Variants in CDH12 observed in about 807,000 individuals in gnomAD.
The protein encoded by CDH12 is cadherin 12, also known as cadherin-12.
A neutral mutation model predicts 74.1 loss-of-function variants in CDH12; 41 were observed. That is an observed-to-expected ratio of 0.55 (90% CI 0.43 to 0.72). The LOEUF is 0.72. CDH12 is among the 30% of genes least tolerant of loss of function. The probability of loss-of-function intolerance (pLI) is 0.00; values close to 1 mark genes in which losing one functional copy is unlikely to be tolerated. For missense variants in CDH12, 945 were observed against 977.2 expected (o/e 0.97, Z 0.44); for synonymous variants, 399 against 355.0 (o/e 1.12, Z -1.39).
chr5:22,745,161 C>T (rs1172840853), intron 1 of CDH12, among the ~76,000 whole-genome samples: 4 of 151,902 alleles, frequency 2.6e-5, no homozygotes, highest in Non-Finnish European at 4.4e-5. Context: ...AGGAAAATCA[C>T]GTCATTCTTC....
intron 1 of CDH12, among the ~76,000 whole-genome samples, chr5:22,761,962 C>T (rs1561012874): frequency 6.6e-6 from 1 of 151,958 alleles, no homozygotes; most frequent in African/African-American, 2.4e-5. Context: ...CACAATCACA[C>T]ACATAACCTA....
chr5:22,738,337 T>C (rs1343963537), intron 1 of CDH12, among the ~76,000 whole-genome samples: 1 of 152,100 alleles, frequency 6.6e-6, no homozygotes, highest in African/African-American at 2.4e-5. Flanking sequence ...CAGAGACACA[T>C]GCTTTAGGAA....
At chr5:22,652,928 C>T (rs573443561) in intron 1 of CDH12, among the ~76,000 whole-genome samples, 22 of 152,116 alleles carry the variant, frequency 1.4e-4, no homozygotes, top group Non-Finnish European at 2.5e-4. Context: ...CATTGATTGG[C>T]TAAATAACTG....
chr5:22,000,992 A>C (rs1315928802), intron 5 of CDH12, among the ~76,000 whole-genome samples: 1 of 152,126 alleles, frequency 6.6e-6, no homozygotes, highest in Non-Finnish European at 1.5e-5. Context: ...ATATTTTATA[A>C]ATTAGAAAAT....
chr5:22,347,529 C>G (rs1740170004), intron 3 of CDH12, among the ~76,000 whole-genome samples: 1 of 152,182 alleles, frequency 6.6e-6, no homozygotes, highest in African/African-American at 2.4e-5. Flanking sequence ...GCCTGGCTTC[C>G]TTGCTCCTCA....
At chr5:22,233,307 T>A (rs7719595) in intron 3 of CDH12, among the ~76,000 whole-genome samples, 69,497 of 145,808 alleles carry the variant, frequency 0.48, 16,480 homozygotes, top group Admixed American at 0.55. Flanking sequence ...GCAAAAAAAA[T>A]ATATATATAT....
At chr5:21,836,658 C>T (rs921006396) in intron 8 of CDH12, among the ~76,000 whole-genome samples, 12 of 151,774 alleles carry the variant, frequency 7.9e-5, no homozygotes, top group East Asian at 3.8e-4. Context: ...TGTTAATTAA[C>T]GGCATCACTT....
intron 2 of CDH12, among the ~76,000 whole-genome samples, chr5:22,434,017 G>A (rs770788854): frequency 3.9e-5 from 6 of 152,072 alleles, no homozygotes; most frequent in Non-Finnish European, 8.8e-5. Flanking sequence ...CTCATTTCTC[G>A]TGTATATTAG....
rs572169431 is a variant in CDH12, at chr5:22,215,231, A to G, written c.-332-2588T>C. Among the ~76,000 whole-genome samples the G allele has an allele frequency of 3.9e-5, 6 of 152,322 alleles. No homozygotes were observed. The South Asian group carries it at 1.2e-3, about 32-fold the overall frequency. ...CAGAAGAAACCCACCACTAAAAGTC[A>G]GGTTACTGTAACTATAAAATTAGCA... On this transcript the variant is annotated intron_variant, in intron 3 of 14. Transcript: ENST00000382254.
intron 1 of CDH12, among the ~76,000 whole-genome samples, chr5:22,707,252 T>G (rs889540097): frequency 6.6e-6 from 1 of 152,254 alleles, no homozygotes; most frequent in African/African-American, 2.4e-5. Flanking sequence ...GTTAATATCC[T>G]TTAACTGTGC....
intron 5 of CDH12, among the ~76,000 whole-genome samples, chr5:22,006,062 C>T (rs13167322): frequency 0.017 from 2,566 of 152,274 alleles, 33 homozygotes; most frequent in Non-Finnish European, 0.025. Flanking sequence ...TGAGGCATCC[C>T]ACTGACCTGA....
intron 1 of CDH12, among the ~76,000 whole-genome samples, chr5:22,668,764 G>A (rs372922336): frequency 6.6e-6 from 1 of 152,148 alleles, no homozygotes; most frequent in Non-Finnish European, 1.5e-5. Context: ...AGCTTTGAAA[G>A]GGACATTCAA....
intron 6 of CDH12, among the ~76,000 whole-genome samples, chr5:21,932,660 G>A (rs1412271550): frequency 3.3e-5 from 5 of 151,918 alleles, no homozygotes; most frequent in Non-Finnish European, 5.9e-5. Context: ...CAGTACTTTC[G>A]GAGGCCAAGG....
chr5:22,566,685 C>A (rs1320472244), intron 1 of CDH12, among the ~76,000 whole-genome samples: 1 of 152,008 alleles, frequency 6.6e-6, no homozygotes, highest in African/African-American at 2.4e-5. Flanking sequence ...GGTTAGCGTC[C>A]GGAATTGGGT....
At chr5:22,207,114 G>T (rs1213881379) in intron 4 of CDH12, among the ~76,000 whole-genome samples, 2 of 150,784 alleles carry the variant, frequency 1.3e-5, no homozygotes, top group Non-Finnish European at 2.9e-5. Flanking sequence ...AGCTACTCGG[G>T]AGGCTAAGGC....
intron 3 of CDH12, among the ~76,000 whole-genome samples, chr5:22,338,483 T>C (rs996792623): frequency 4.0e-5 from 6 of 151,456 alleles, no homozygotes; most frequent in Non-Finnish European, 8.8e-5. Flanking sequence ...AAAAAAAAAA[T>C]AGAAGAATAA....
intron 1 of CDH12, among the ~76,000 whole-genome samples, chr5:22,535,204 G>C (rs529091990): frequency 7.0e-6 from 1 of 143,342 alleles, no homozygotes; most frequent in South Asian, 2.3e-4. Context: ...GCCCAGGCTG[G>C]ACTGCAGTGG....
At chr5:21,848,125 C>A (rs74446843) in intron 7 of CDH12, among the ~76,000 whole-genome samples, 8,635 of 152,090 alleles carry the variant, frequency 0.057, 313 homozygotes, top group South Asian at 0.11. Context: ...TCATTATTGA[C>A]CCAAATACTC....
chr5:22,245,101 T>A (rs1420434305), intron 3 of CDH12, among the ~76,000 whole-genome samples: 2 of 152,258 alleles, frequency 1.3e-5, no homozygotes, highest in East Asian at 3.9e-4. Flanking sequence ...GCAGGAGCAA[T>A]TTCTATGTAG....
Sources: allele counts gnomAD v4.1 joint callset (sites outside exome capture counted in the v4.1 genomes callset), GRCh38; gene constraint gnomAD v4.1.1; transcripts MANE v1.5; gene names NCBI Gene and HGNC (gene_info 2026-07-23, HGNC 2026-07-21).